The following OR51B5 variants were observed in gnomAD, a reference collection of about 807,000 sequenced individuals.
The protein encoded by OR51B5 is olfactory receptor family 51 subfamily B member 5.
For missense variants in OR51B5, 456 were observed against 374.6 expected, an observed-to-expected ratio of 1.22 and a Z score of -1.79; for synonymous variants, 186 against 144.8, an observed-to-expected ratio of 1.28 and a Z score of -2.04.
intron 1 of OR51B5, among the ~76,000 whole-genome samples, chr11:5,459,838 T>C (rs1269310987): frequency 6.6e-6 from 1 of 152,138 alleles, no homozygotes; most frequent in Non-Finnish European, 1.5e-5. Flanking sequence ...CTCAAAGAGC[T>C]AAAAACAGGA....
At chr11:5,478,053 G>C (rs1274699527) in intron 1 of OR51B5, among the ~76,000 whole-genome samples, 1 of 151,818 alleles carries the variant, frequency 6.6e-6, no homozygotes, top group Non-Finnish European at 1.5e-5. Flanking sequence ...CCACCTCTGG[G>C]GGCAGGGCAC....
At chr11:5,393,658 C>A (rs1003389796) in intron 1 of OR51B5, among the ~76,000 whole-genome samples, 9 of 152,220 alleles carry the variant, frequency 5.9e-5, no homozygotes, top group South Asian at 2.1e-4. Context: ...AAGCATTTAA[C>A]TCACGGTAGA....
chr11:5,347,341 G>C (rs1000480159), upstream of OR51B5, among the ~76,000 whole-genome samples: 12 of 152,288 alleles, frequency 7.9e-5, no homozygotes, highest in African/African-American at 2.4e-4. Context: ...CAGAGAGCTA[G>C]ATAGACTAGA....
In OR51B5 at chr11:5,466,139, C is replaced by T. The variant is rs188804921; in HGVS notation, n.84+39430G>A. Among the ~76,000 whole-genome samples the T allele has an allele frequency of 2.8e-3, 421 of 152,152 alleles. 5 individuals are homozygous for T. Among genetic ancestry groups the T allele is most frequent in the African/African-American group, 9.6e-3 (398 of 41,502 alleles). On this transcript the variant is annotated intron_variant and non_coding_transcript_variant, in intron 1 of 4. Coordinates refer to the OR51B5 transcript ENST00000415970. ...ACAAACAACCCCATCAAAAAGTGGG[C>T]GAAGGTTGATAATTTATCATTTACG...
chr11:5,464,425 C>A (rs1001281234), intron 1 of OR51B5, among the ~76,000 whole-genome samples: 11 of 151,228 alleles, frequency 7.3e-5, no homozygotes, highest in Non-Finnish European at 1.2e-4. Context: ...TCTCCCAATG[C>A]TATCCCTCCC....
chr11:5,347,137 A>G (rs1364149609), upstream of OR51B5, among the ~76,000 whole-genome samples: 2 of 152,176 alleles, frequency 1.3e-5, no homozygotes, highest in Non-Finnish European at 2.9e-5. Context: ...TGTGTGGGGA[A>G]TCAGACAGCC....
chr11:5,486,803 C>CCATCGGT (rs1209245889), intron 1 of OR51B5, among the ~76,000 whole-genome samples: 1 of 152,090 alleles, frequency 6.6e-6, no homozygotes, highest in Non-Finnish European at 1.5e-5. Flanking sequence ...TTCCTAAACA[C>CCATCGGT]CATCGGTCAT....
chr11:5,380,942 G>A (rs576986504), intron 1 of OR51B5, among the ~76,000 whole-genome samples: 2 of 152,180 alleles, frequency 1.3e-5, no homozygotes, highest in South Asian at 4.1e-4. Flanking sequence ...TCCCCCTGGT[G>A]GCTACATTGG....
At chr11:5,420,256 A>G (rs560192598) in intron 1 of OR51B5, among the ~76,000 whole-genome samples, 1 of 152,154 alleles carries the variant, frequency 6.6e-6, no homozygotes, top group South Asian at 2.1e-4. Flanking sequence ...TACACTTAAG[A>G]AAGTATGAAT....
At chr11:5,362,113 T>G (rs1209411446) in intron 1 of OR51B5, among the ~76,000 whole-genome samples, 1 of 152,210 alleles carries the variant, frequency 6.6e-6, no homozygotes, top group Non-Finnish European at 1.5e-5. Flanking sequence ...CAAATCCTTA[T>G]AAACCAAAGT....
chr11:5,344,280 T>C (rs373508965), upstream of OR51B5, among the ~76,000 whole-genome samples: 1 of 152,260 alleles, frequency 6.6e-6, no homozygotes, highest in South Asian at 2.1e-4. Flanking sequence ...TCACTTATAA[T>C]AGTGTATCTC....
chr11:5,343,725 G>GATCT (rs371396753), upstream of OR51B5: 228 of 452,604 alleles, frequency 5.0e-4, 2 homozygotes, highest in African/African-American at 4.4e-3. Context: ...CACATTCCAG[G>GATCT]ATCTATCTCC....
At chr11:5,489,402 A>G (rs1181399020) in intron 1 of OR51B5, 1 of 1,613,812 alleles carries the variant, frequency 6.2e-7, no homozygotes, top group Admixed American at 1.7e-5. Flanking sequence ...TTCATCTTCC[A>G]TCTCATGATG....
intron 1 of OR51B5, among the ~76,000 whole-genome samples, chr11:5,410,491 A>G (rs1259369726): frequency 6.6e-6 from 1 of 152,190 alleles, no homozygotes; most frequent in Non-Finnish European, 1.5e-5. Flanking sequence ...TTTTCAATCA[A>G]CAACGGACTG....
At chr11:5,436,268 T>C (rs753450850) in intron 1 of OR51B5, among the ~76,000 whole-genome samples, 1 of 152,122 alleles carries the variant, frequency 6.6e-6, no homozygotes, top group Non-Finnish European at 1.5e-5. Flanking sequence ...CTGGGGTTCA[T>C]GTAAGAAACA....
intron 1 of OR51B5, chr11:5,431,492 G>A (rs1354452229): frequency 1.8e-5 from 3 of 167,046 alleles, no homozygotes; most frequent in Non-Finnish European, 2.7e-5. Context: ...TGGCCACAAT[G>A]TACATGGTGA....
chr11:5,502,182 C>T (rs565459254), intron 1 of OR51B5, among the ~76,000 whole-genome samples: 18 of 151,882 alleles, frequency 1.2e-4, no homozygotes, highest in Admixed American at 6.6e-4. Flanking sequence ...GGCTCTGCTT[C>T]TCCGCTTGTC....
chr11:5,449,845 A>G (rs1429949044), intron 1 of OR51B5, among the ~76,000 whole-genome samples: 2 of 152,184 alleles, frequency 1.3e-5, no homozygotes, highest in East Asian at 1.9e-4. Context: ...CCAGGATATT[A>G]AAAGGAGAAA....
At chr11:5,364,640 T>C (rs1849339125) in intron 1 of OR51B5, among the ~76,000 whole-genome samples, 1 of 150,188 alleles carries the variant, frequency 6.7e-6, no homozygotes, top group African/African-American at 2.4e-5. Flanking sequence ...TCTCACTCCA[T>C]CCTCATGTGC....
Sources: gnomAD v4.1 joint callset for allele counts (sites outside exome capture counted in the v4.1 genomes callset) on GRCh38, gnomAD v4.1.1 for gene constraint, MANE v1.5 for transcripts, NCBI Gene and HGNC (gene_info 2026-07-23, HGNC 2026-07-21) for gene names.